The following IL1RAPL1 variants were observed in gnomAD, a reference collection of about 807,000 sequenced individuals.
IL1RAPL1 encodes the protein interleukin 1 receptor accessory protein like 1.
Under a neutral mutation model 48.4 loss-of-function variants are expected in IL1RAPL1, and 3 were observed. That is an observed-to-expected ratio of 0.06 (90% CI 0.03 to 0.16). The LOEUF (loss-of-function observed/expected upper bound fraction) is 0.16. Ranked by LOEUF, IL1RAPL1 falls within the 10% of genes least tolerant of loss-of-function variation. The probability of loss-of-function intolerance (pLI) is 1.00; values close to 1 mark genes in which losing one functional copy is unlikely to be tolerated. For synonymous variants in IL1RAPL1, 185 were observed against 187.7 expected (o/e 0.99, Z 0.12); for missense variants, 349 against 530.6 (o/e 0.66, Z 3.36).
intron 2 of IL1RAPL1, among the ~76,000 whole-genome samples, chrX:29,002,916 T>TACACACACACACACACAC (rs371924976): frequency 4.9e-5 from 5 of 102,981 alleles, no homozygotes; most frequent in Non-Finnish European, 5.9e-5. Context: ...GTTATGTGTG[T>TACACACACACACACACAC]ACACACACAC....
chrX:28,623,340 T>C (rs1268285047), intron 1 of IL1RAPL1, among the ~76,000 whole-genome samples: 2 of 111,598 alleles, frequency 1.8e-5, no homozygotes, highest in African/African-American at 6.5e-5. Context: ...GTTATGTATG[T>C]ATAAAGTTAT....
Position 28,983,226 on chromosome X carries a change from C to G in IL1RAPL1, c.82+193801C>G, listed in dbSNP as rs976347879. Among the ~76,000 whole-genome samples, 4 of 111,101 alleles carry G rather than the reference C, an allele frequency of 3.6e-5. No individual in the cohort carries two copies. In the Admixed American group the frequency reaches 3.8e-4, roughly 11 times the overall value. ...AGGTGGCTCCCAGACTAAAATTTCC[C>G]CAATTGTCCTTCCACTGCTACTTGT... On this transcript the variant is annotated intron_variant, in intron 2 of 10. Coordinates refer to ENST00000378993, the MANE Select transcript of IL1RAPL1 (RefSeq NM_014271.4).
intron 2 of IL1RAPL1, among the ~76,000 whole-genome samples, chrX:29,032,023 A>T (rs1926630100): frequency 9.0e-6 from 1 of 111,671 alleles, no homozygotes; most frequent in Non-Finnish European, 1.9e-5. Context: ...CTACTTATCT[A>T]TCTGTTTTTA....
At chrX:29,937,197 A>G (rs1933048134) in intron 8 of IL1RAPL1, among the ~76,000 whole-genome samples, 1 of 112,422 alleles carries the variant, frequency 8.9e-6, no homozygotes, top group African/African-American at 3.2e-5. Context: ...AACAAAATAC[A>G]CAAAGGCTAA....
chrX:28,789,926 G>A (rs1936516605), intron 2 of IL1RAPL1, among the ~76,000 whole-genome samples: 1 of 111,696 alleles, frequency 9.0e-6, no homozygotes, highest in African/African-American at 3.3e-5. Context: ...ATTTTAATAG[G>A]AAATATAGAG....
chrX:29,037,006 A>T (rs1279854317), intron 2 of IL1RAPL1, among the ~76,000 whole-genome samples: 1 of 112,289 alleles, frequency 8.9e-6, no homozygotes, highest in Non-Finnish European at 1.9e-5. Flanking sequence ...AAAGCTGTAC[A>T]TTATGTTAAA....
rs1289579307 is a variant in IL1RAPL1, at chrX:29,812,336, C to T, written c.779-105128C>T. ...TGCTTTTCTTCATACTCCAAATTCT[C>T]TACCATGAATATGCATTACTTTTCT... On this transcript the variant is annotated intron_variant, in intron 6 of 10. Coordinates refer to ENST00000378993, the MANE Select transcript of IL1RAPL1 (RefSeq NM_014271.4). Among the ~76,000 whole-genome samples, 4 of 112,015 alleles carry T rather than the reference C, an allele frequency of 3.6e-5. No individual in the cohort carries two copies. In the East Asian group the frequency reaches 1.1e-3, roughly 31 times the overall value.
chrX:29,758,552 C>T (rs1046487255), intron 6 of IL1RAPL1, among the ~76,000 whole-genome samples: 2 of 109,648 alleles, frequency 1.8e-5, no homozygotes, highest in Admixed American at 2.0e-4. Flanking sequence ...AAAAATTATG[C>T]GAGTATGGTG....
intron 6 of IL1RAPL1, among the ~76,000 whole-genome samples, chrX:29,782,887 C>CTTTTTTTT (rs1569167260): frequency 1.0e-4 from 6 of 59,856 alleles, no homozygotes; most frequent in African/African-American, 3.9e-4. Flanking sequence ...TTGATCGTGA[C>CTTTTTTTT]ATTTTTTTTT....
chrX:29,161,942 G>C (rs1263522915), intron 2 of IL1RAPL1, among the ~76,000 whole-genome samples: 2 of 112,038 alleles, frequency 1.8e-5, no homozygotes, highest in Non-Finnish European at 3.8e-5. Context: ...CAATAGCAAA[G>C]ACTTGGAACT....
chrX:29,513,928 G>A, intron 5 of IL1RAPL1, among the ~76,000 whole-genome samples: 1 of 111,528 alleles, frequency 9.0e-6, no homozygotes. Flanking sequence ...ACTTTTTTAG[G>A]TCAAAGGTAG....
intron 1 of IL1RAPL1, among the ~76,000 whole-genome samples, chrX:28,610,545 A>G (rs1473741840): frequency 8.9e-6 from 1 of 112,543 alleles, no homozygotes; most frequent in Non-Finnish European, 1.9e-5. Flanking sequence ...GAGTTTATAC[A>G]TGGAAAGTAT....
At chrX:29,802,777 A>ATGTG (rs1929962070) in intron 6 of IL1RAPL1, among the ~76,000 whole-genome samples, 1 of 24,372 alleles carries the variant, frequency 4.1e-5, no homozygotes, top group African/African-American at 2.2e-4. Flanking sequence ...ATATATATAT[A>ATGTG]TATATGTGTG....
Position 28,724,332 on chromosome X carries a change from C to T in IL1RAPL1, c.-24-64988C>T, listed in dbSNP as rs758360211. On this transcript the variant is annotated intron_variant, in intron 1 of 10. Coordinates refer to ENST00000378993, the MANE Select transcript of IL1RAPL1 (RefSeq NM_014271.4). Reference sequence around the variant, plus strand: ...GTTAGATCTTCTTGTTGAATTGATCCCTTTACCATTATGTAATGGCCTTCT... The same window carrying T: ...GTTAGATCTTCTTGTTGAATTGATCTCTTTACCATTATGTAATGGCCTTCT... 1.2e-3 allele frequency among the ~76,000 whole-genome samples: 130 copies of T among 111,385 alleles called. 1 individual carries two copies. The highest frequency in any genetic ancestry group is 4.1e-3 in the African/African-American group (125 of 30,599).
intron 2 of IL1RAPL1, among the ~76,000 whole-genome samples, chrX:29,229,532 A>G (rs1347245728): frequency 8.9e-6 from 1 of 112,343 alleles, no homozygotes; most frequent in Non-Finnish European, 1.9e-5. Flanking sequence ...TATGGAAAGA[A>G]GAAAAGCAAC....
chrX:28,780,363 G>GTGTGTGTCTGTCTGTC (rs56989010), intron 1 of IL1RAPL1, among the ~76,000 whole-genome samples: 2 of 91,443 alleles, frequency 2.2e-5, no homozygotes, highest in East Asian at 7.6e-4. Flanking sequence ...GTGTGTGTGT[G>GTGTGTGTCTGTCTGTC]TGTCTGTCTG....
intron 5 of IL1RAPL1, among the ~76,000 whole-genome samples, chrX:29,613,295 T>G (rs1924150961): frequency 8.9e-6 from 1 of 112,197 alleles, no homozygotes; most frequent in South Asian, 3.7e-4. Context: ...TTGTCTTTTT[T>G]ATACTAAGTC....
At chrX:29,080,980 CTTTCTTTCTTTCTT>C (rs1415326330) in intron 2 of IL1RAPL1, among the ~76,000 whole-genome samples, 160 of 43,528 alleles carry the variant, frequency 3.7e-3, no homozygotes, top group African/African-American at 5.8e-3. Context: ...TTCTTTCTTT[CTTTCTTTCTTTCTT>C]TCTCTCTCTC....
At chrX:29,671,190 G>A (rs1172924083) in intron 6 of IL1RAPL1, among the ~76,000 whole-genome samples, 2 of 111,623 alleles carry the variant, frequency 1.8e-5, no homozygotes. Flanking sequence ...ATCAGGAAGT[G>A]CATGGATTTG....
Sources: allele counts gnomAD v4.1 joint callset (sites outside exome capture counted in the v4.1 genomes callset), GRCh38; gene constraint gnomAD v4.1.1; transcripts MANE v1.5; gene names NCBI Gene and HGNC (gene_info 2026-07-23, HGNC 2026-07-21).